Variants in MROH9 observed in about 807,000 individuals in gnomAD.
The protein encoded by MROH9 is maestro heat-like repeat-containing protein family member 9.
A neutral mutation model predicts 98.2 loss-of-function variants in MROH9; 92 were observed. The observed-to-expected ratio is 0.94, with a 90% CI of 0.79 to 1.11. MROH9 has a LOEUF of 1.11. Among genes scored for constraint, MROH9 ranks in the 50% most tolerant of loss-of-function variants. The pLI, the probability that MROH9 is intolerant of heterozygous loss-of-function variation, is 0.00. For synonymous variants in MROH9, 397 were observed against 368.9 expected, an observed-to-expected ratio of 1.08 and a Z score of -0.87; for missense variants, 1,057 against 1,014.8, an observed-to-expected ratio of 1.04 and a Z score of -0.57.
At chr1:171,015,972 T>G (rs928833079) in intron 16 of MROH9, among the ~76,000 whole-genome samples, 191 bp from the exon 17 acceptor site, 1 of 152,192 alleles carries the variant, frequency 6.6e-6, no homozygotes, top group Non-Finnish European at 1.5e-5. Flanking sequence ...ATGTTAAATT[T>G]ATATAATTTA....
At chr1:170,952,112 G>A (rs914184863) in intron 3 of MROH9, among the ~76,000 whole-genome samples, 1 of 152,002 alleles carries the variant, frequency 6.6e-6, no homozygotes, top group African/African-American at 2.4e-5. Context: ...AGGTGCTGGA[G>A]AGGATGTGGA....
intron 20 of MROH9, among the ~76,000 whole-genome samples, chr1:171,044,504 C>A (rs917816628): frequency 1.3e-5 from 2 of 152,136 alleles, no homozygotes; most frequent in Admixed American, 1.3e-4. Context: ...ATACCCTCCT[C>A]CTCTAATTTT....
intron 16 of MROH9, among the ~76,000 whole-genome samples, chr1:171,015,774 A>C (rs574158719): frequency 1.3e-5 from 2 of 152,266 alleles, no homozygotes; most frequent in South Asian, 4.1e-4. Flanking sequence ...ATGATGGCTA[A>C]TTTCAAGCTT....
chr1:170,937,317 T>A (rs1454906494), intron 1 of MROH9, among the ~76,000 whole-genome samples: 1 of 152,210 alleles, frequency 6.6e-6, no homozygotes, highest in East Asian at 1.9e-4. Context: ...TTAAACACTA[T>A]GATGTAACAT....
At chr1:171,018,072 G>C (rs542891781) in intron 17 of MROH9, among the ~76,000 whole-genome samples, 2 of 152,220 alleles carry the variant, frequency 1.3e-5, no homozygotes, top group South Asian at 2.1e-4. Context: ...AGTGGGTCCT[G>C]CTCCCCATAA....
At chr1:170,998,885 A>C (rs574671095) in intron 15 of MROH9, 1 of 383,006 alleles carries the variant, frequency 2.6e-6, no homozygotes, top group Admixed American at 6.4e-5. Context: ...AATACTTTCA[A>C]ACTTTGAGGT....
intron 6 of MROH9, among the ~76,000 whole-genome samples, chr1:170,964,625 A>C (rs9427205): frequency 0.34 from 51,865 of 151,546 alleles, 9,565 homozygotes; most frequent in African/African-American, 0.49. Context: ...AGATTTGAAA[A>C]AAAATTTGCA....
At chr1:170,955,012 C>A (rs1333802427) in intron 3 of MROH9, among the ~76,000 whole-genome samples, 2 of 151,984 alleles carry the variant, frequency 1.3e-5, no homozygotes, top group Non-Finnish European at 2.9e-5. Context: ...CATTCTTATG[C>A]CTTTGCATCC....
chr1:171,034,129 A>T (rs1653020869), intron 20 of MROH9, among the ~76,000 whole-genome samples: 2 of 152,086 alleles, frequency 1.3e-5, no homozygotes, highest in Admixed American at 6.5e-5. Context: ...TACTAAAAAA[A>T]CTTTTATAGT....
chr1:170,982,410 C>A (rs1650969273), intron 8 of MROH9, among the ~76,000 whole-genome samples: 1 of 152,068 alleles, frequency 6.6e-6, no homozygotes, highest in Non-Finnish European at 1.5e-5. Context: ...TGACAGAGAG[C>A]AGATGACAAG....
rs376310984 is a variant in MROH9 at position 170,986,744 on chromosome 1, G to C, written c.879+34G>C. 5 of 1,601,026 alleles carry C rather than the reference G, an allele frequency of 3.1e-6. No individual in the cohort carries two copies. The African/African-American group carries it at 4.0e-5, about 13-fold the overall frequency. ...CTTGACAATAAGCAGGAGAGCACAG[G>C]GTTTACTCTCTAATGTGCATTTTTG... On this transcript the variant is annotated intron_variant, in intron 10 of 21. Transcript: ENST00000367759.
Position 170,989,909 on chromosome 1 carries a change from A to G in MROH9, c.934A>G (p.Lys312Glu). 2 of 1,613,058 alleles carry G rather than the reference A, an allele frequency of 1.2e-6. No homozygotes were observed. Among genetic ancestry groups the G allele is most frequent in the Non-Finnish European group, 1.7e-6 (2 of 1,179,218 alleles). ...YRQLCDNNCM[K>E]DVMLQVITLL... ...GCAACTGTGTGATAACAATTGTATGAAGGATGTTATGTTGCAGGTTATCAC... is the reference window on the plus strand; with the variant it reads ...GCAACTGTGTGATAACAATTGTATGGAGGATGTTATGTTGCAGGTTATCAC... Residue 312 changes from lysine to glutamate, a missense_variant, in exon 11 of 22, where the codon AAG (lysine) becomes GAG (glutamate). Physicochemically the swap from Lys to Glu is moderately conservative, Grantham distance 56 (BLOSUM62 1). Coordinates refer to ENST00000367759, the MANE Select transcript of MROH9 (RefSeq NM_001163629.2).
In MROH9 at chr1:170,983,504, G is replaced by A. The variant is rs768149166; in HGVS notation, c.699G>A (p.Glu233=). The A allele has an allele frequency of 6.2e-7, 1 of 1,612,692 alleles. No individual in the cohort carries two copies. Among genetic ancestry groups the A allele is most frequent in the Non-Finnish European group, 8.5e-7 (1 of 1,179,048 alleles). The change falls in exon 9 of 22, where the codon GAG becomes GAA. Residue 233 remains glutamate (E), a synonymous_variant. Coordinates refer to ENST00000367759, the MANE Select transcript of MROH9 (RefSeq NM_001163629.2). ...PSSDVEFLPK[E]FQQDESKIAQ... The stretch of plus-strand genomic sequence containing the variant: ...CTGATGTAGAATTTCTACCCAAGGA[G>A]TTTCAACAAGACGAAAGTAAAATAG...
Position 170,948,975 on chromosome 1 carries a change from T to C in MROH9, c.72+1402T>C, listed in dbSNP as rs115968467. Among the ~76,000 whole-genome samples the C allele has an allele frequency of 2.6e-3, 397 of 152,184 alleles. 5 individuals are homozygous for C. Among genetic ancestry groups the C allele is most frequent in the African/African-American group, 8.8e-3 (366 of 41,546 alleles). ...CTTTGGATCAATACTTGGGGATTAGTAGTAGAGGCAAAGTGAAGGAAGCAG... is the reference window on the plus strand; with the variant it reads ...CTTTGGATCAATACTTGGGGATTAGCAGTAGAGGCAAAGTGAAGGAAGCAG... On this transcript the variant is annotated intron_variant, in intron 3 of 21. Coordinates refer to ENST00000367759, the MANE Select transcript of MROH9 (RefSeq NM_001163629.2).
chr1:171,060,919 CAA>C (rs1653991148), intron 20 of MROH9, among the ~76,000 whole-genome samples: 1 of 152,032 alleles, frequency 6.6e-6, no homozygotes, highest in South Asian at 2.1e-4. Flanking sequence ...AATTAAAAAA[CAA>C]ATGCAAATGG....
At chr1:170,947,608 G>T (rs781032689) in intron 3 of MROH9, 35 bp downstream of exon 3, 38 of 1,560,094 alleles carry the variant, frequency 2.4e-5, no homozygotes, top group Middle Eastern at 1.7e-4. Flanking sequence ...CAACGTAACT[G>T]AATTCTCTTG....
Position 171,016,232 on chromosome 1 carries a change from CT to C in MROH9, c.1806del (p.Gln603ArgfsTer10), listed in dbSNP as rs1272923092. ...AFLSKDDNVVLQALLTLRRLL... is the reference protein window; with the variant it reads ...AFLSKDDNVVXQALLTLRRLL... Reference sequence around the variant, plus strand: ...CCTTTCCAAAGACGATAATGTTGTACTTCAGGCCTTGCTCACCCTTAGAAGG... The same window carrying C: ...CCTTTCCAAAGACGATAATGTTGTACTCAGGCCTTGCTCACCCTTAGAAGG... On this transcript the variant is annotated frameshift_variant, in exon 17 of 22. Coordinates refer to ENST00000367759, the MANE Select transcript of MROH9 (RefSeq NM_001163629.2). LOFTEE classifies it high-confidence loss of function. The C allele has an allele frequency of 1.3e-6, 2 of 1,541,680 alleles. No homozygotes were observed. The highest frequency in any genetic ancestry group is 4.0e-5 in the Admixed American group (2 of 49,436).
intron 21 of MROH9, 32 bp from the exon 22 acceptor site, chr1:171,064,067 A>T (rs1440256262): frequency 1.3e-6 from 2 of 1,512,878 alleles, no homozygotes; most frequent in South Asian, 2.6e-5. Flanking sequence ...AGAAAGAGAT[A>T]ACTTGAACTA....
At chr1:171,000,467 G>GAATGCTTTT (rs1179700225) in intron 15 of MROH9, among the ~76,000 whole-genome samples, 1 of 151,878 alleles carries the variant, frequency 6.6e-6, no homozygotes, top group African/African-American at 2.4e-5. Context: ...GGACTTTGTC[G>GAATGCTTTT]AATGCTTTTT....
Sources: allele counts gnomAD v4.1 joint callset (sites outside exome capture counted in the v4.1 genomes callset), GRCh38; gene constraint gnomAD v4.1.1; transcripts MANE v1.5; gene names NCBI Gene and HGNC (gene_info 2026-07-23, HGNC 2026-07-21).